Variants in LRP1B observed in about 807,000 individuals in gnomAD.
LRP1B encodes the protein low-density lipoprotein receptor-related protein 1B.
A neutral mutation model predicts 556.6 loss-of-function variants in LRP1B; 217 were observed. That is an observed-to-expected ratio of 0.39 (90% CI 0.35 to 0.44). The LOEUF (loss-of-function observed/expected upper bound fraction) is 0.44, where lower values mean the gene tolerates loss of function less well. Ranked by LOEUF, LRP1B falls within the 20% of genes least tolerant of loss-of-function variation. LRP1B has a pLI of 1.00. For missense variants in LRP1B, 5,053 were observed against 5,620.8 expected, an observed-to-expected ratio of 0.90 and a Z score of 3.23; for synonymous variants, 2,047 against 1,865.8, an observed-to-expected ratio of 1.10 and a Z score of -2.50.
intron 2 of LRP1B, among the ~76,000 whole-genome samples, chr2:141,578,167 A>G (rs1364739669): frequency 6.6e-6 from 1 of 152,128 alleles, no homozygotes; most frequent in Non-Finnish European, 1.5e-5. Flanking sequence ...AGGCTGAGGC[A>G]GATGGATCAT....
intron 31 of LRP1B, among the ~76,000 whole-genome samples, chr2:140,833,448 A>T (rs1691787656): frequency 6.6e-6 from 1 of 152,156 alleles, no homozygotes; most frequent in Non-Finnish European, 1.5e-5. Context: ...TTAAAATCTT[A>T]CGTGTTTTTA....
intron 47 of LRP1B, among the ~76,000 whole-genome samples, chr2:140,529,319 G>A (rs183676719): frequency 1.1e-3 from 171 of 151,672 alleles, no homozygotes; most frequent in African/African-American, 3.6e-3. Context: ...AGATTTGAAA[G>A]ACTTAAAAAT....
At chr2:140,556,900 A>G (rs10169104) in intron 43 of LRP1B, among the ~76,000 whole-genome samples, 73,066 of 151,816 alleles carry the variant, frequency 0.48, 18,010 homozygotes, top group South Asian at 0.59. Flanking sequence ...TATCAAATGT[A>G]TATGTAATGG....
intron 2 of LRP1B, among the ~76,000 whole-genome samples, chr2:141,543,334 C>T (rs1685333949): frequency 6.6e-6 from 1 of 151,314 alleles, no homozygotes; most frequent in Middle Eastern, 3.4e-3. Context: ...ATCCTGAAAC[C>T]CTGTCTCTAC....
intron 2 of LRP1B, among the ~76,000 whole-genome samples, chr2:141,589,646 A>G (rs866906965): frequency 6.6e-5 from 10 of 152,178 alleles, no homozygotes; most frequent in African/African-American, 2.2e-4. Context: ...TATAAGAGAA[A>G]AAGGCACTTG....
At chr2:140,905,456 ATCT>A (rs1694223208) in intron 22 of LRP1B, among the ~76,000 whole-genome samples, 1 of 152,000 alleles carries the variant, frequency 6.6e-6, no homozygotes, top group Non-Finnish European at 1.5e-5. Flanking sequence ...TGAGGTGTAA[ATCT>A]TCTACTACCC....
chr2:140,519,269 A>G (rs1690052864), intron 49 of LRP1B, among the ~76,000 whole-genome samples: 1 of 152,170 alleles, frequency 6.6e-6, no homozygotes, highest in Non-Finnish European at 1.5e-5. Flanking sequence ...AGAGATATAG[A>G]CCAATGGAAC....
At chr2:140,936,673 T>C (rs1370335935) in intron 20 of LRP1B, among the ~76,000 whole-genome samples, 1 of 151,660 alleles carries the variant, frequency 6.6e-6, no homozygotes, top group Non-Finnish European at 1.5e-5. Context: ...ACTTGTACTA[T>C]ACTTCTTGTT....
intron 35 of LRP1B, among the ~76,000 whole-genome samples, chr2:140,729,546 T>C (rs1687704725): frequency 6.6e-6 from 1 of 152,200 alleles, no homozygotes; most frequent in Non-Finnish European, 1.5e-5. Flanking sequence ...AAATACACAA[T>C]GATTCTTTTT....
At chr2:140,529,695 G>A (rs1048528741) in intron 47 of LRP1B, among the ~76,000 whole-genome samples, 3 of 151,912 alleles carry the variant, frequency 2.0e-5, no homozygotes, top group Non-Finnish European at 4.4e-5. Flanking sequence ...CTAGTTCCCA[G>A]TCTACCTAAA....
intron 1 of LRP1B, among the ~76,000 whole-genome samples, chr2:141,820,255 C>T (rs1696709813): frequency 6.6e-6 from 1 of 151,926 alleles, no homozygotes; most frequent in Non-Finnish European, 1.5e-5. Flanking sequence ...AAAGATAATT[C>T]CTTTAGGGAT....
chr2:141,463,607 A>ATATATATAATATATATTATATAATAT (rs1559084023), intron 3 of LRP1B, among the ~76,000 whole-genome samples: 1 of 108,430 alleles, frequency 9.2e-6, no homozygotes, highest in African/African-American at 4.1e-5. Flanking sequence ...ATTATATATT[A>ATATATATAATATATATTATATAATAT]TATATAATTA....
intron 7 of LRP1B, among the ~76,000 whole-genome samples, chr2:141,063,944 G>A (rs1473209496): frequency 6.6e-6 from 1 of 151,854 alleles, no homozygotes; most frequent in African/African-American, 2.4e-5. Flanking sequence ...ATAGCATTAT[G>A]AAGCAGGCAA....
intron 34 of LRP1B, among the ~76,000 whole-genome samples, chr2:140,769,662 G>A (rs551998325): frequency 6.6e-6 from 1 of 151,778 alleles, no homozygotes; most frequent in African/African-American, 2.4e-5. Flanking sequence ...GCTGGTACGG[G>A]CCCCACACTT....
At chr2:141,877,074 A>G (rs1698789835) in intron 1 of LRP1B, among the ~76,000 whole-genome samples, 2 of 152,020 alleles carry the variant, frequency 1.3e-5, no homozygotes, top group African/African-American at 4.8e-5. Flanking sequence ...AGTATTATTT[A>G]ATGTTGCACA....
chr2:141,078,059 A>G (rs373624596), intron 7 of LRP1B, among the ~76,000 whole-genome samples: 3 of 151,874 alleles, frequency 2.0e-5, no homozygotes, highest in East Asian at 3.9e-4. Context: ...AAGTTTTCTA[A>G]CACAACTAAA....
chr2:141,810,528 C>T (rs574626177), intron 1 of LRP1B, 127 bp from the exon 2 acceptor site: 63 of 992,322 alleles, frequency 6.3e-5, no homozygotes, highest in Middle Eastern at 3.1e-4. Context: ...ATTTTCTGTT[C>T]GGCAGCAAAG....
In LRP1B at chr2:140,462,481, A is replaced by G. The variant is rs116313454; in HGVS notation, c.9626-4830T>C. On this transcript the variant is annotated intron_variant, in intron 60 of 90. Coordinates refer to ENST00000389484, the MANE Select transcript of LRP1B (RefSeq NM_018557.3). ...CAGCTGAGGGGAATAAAGCCATCCA[A>G]CAAGAGCAGTGGTCTTTAATAGACA... 3.2e-3 allele frequency among the ~76,000 whole-genome samples: 480 copies of G among 152,332 alleles called. 6 individuals carry two copies. Among genetic ancestry groups the G allele is most frequent in the African/African-American group, 0.011 (454 of 41,580 alleles).
chr2:140,445,155 G>A (rs1191942208), intron 63 of LRP1B, among the ~76,000 whole-genome samples: 3 of 150,984 alleles, frequency 2.0e-5, no homozygotes, highest in African/African-American at 4.9e-5. Flanking sequence ...TTGCTCTGTC[G>A]CCCAGTCTGG....
Sources: gnomAD v4.1 joint callset for allele counts (sites outside exome capture counted in the v4.1 genomes callset) on GRCh38, gnomAD v4.1.1 for gene constraint, MANE v1.5 for transcripts, NCBI Gene and HGNC (gene_info 2026-07-23, HGNC 2026-07-21) for gene names.